The following KATNBL1 variants were observed in gnomAD, a reference collection of about 807,000 sequenced individuals.
KATNBL1 encodes the protein katanin regulatory subunit B1 like 1, also known as KATNB1-like protein 1.
KATNBL1 carries 28 observed loss-of-function variants against 44.7 expected under a neutral mutation model. The ratio of observed to expected loss-of-function variants is 0.63; its 90% CI spans 0.46 to 0.86. KATNBL1 has a LOEUF of 0.86. Ranked by LOEUF, KATNBL1 falls within the 40% of genes least tolerant of loss-of-function variation. The pLI, the probability that KATNBL1 is intolerant of heterozygous loss-of-function variation, is 0.00. For missense variants in KATNBL1, 272 were observed against 350.7 expected, an observed-to-expected ratio of 0.78 and a Z score of 1.79; for synonymous variants, 78 against 114.9, an observed-to-expected ratio of 0.68 and a Z score of 2.06.
At chr15:34,197,218 T>C (rs1051991667) in intron 1 of KATNBL1, among the ~76,000 whole-genome samples, 1 of 152,204 alleles carries the variant, frequency 6.6e-6, no homozygotes, top group Non-Finnish European at 1.5e-5. Context: ...TTTTGAAAAA[T>C]TTAATGTGAA....
chr15:34,193,007 G>A (rs1380622220), intron 1 of KATNBL1, among the ~76,000 whole-genome samples: 2 of 148,858 alleles, frequency 1.3e-5, no homozygotes, highest in Non-Finnish European at 3.0e-5. Flanking sequence ...CATGAGGTCA[G>A]GAGATCGAGA....
chr15:34,178,340 TA>T (rs1889398848), intron 1 of KATNBL1, among the ~76,000 whole-genome samples: 1 of 152,288 alleles, frequency 6.6e-6, no homozygotes, highest in South Asian at 2.1e-4. Flanking sequence ...CTAACATGGG[TA>T]ACCTTTTCCT....
intron 1 of KATNBL1, among the ~76,000 whole-genome samples, chr15:34,187,249 G>A (rs1889743760): frequency 6.6e-6 from 1 of 152,148 alleles, no homozygotes; most frequent in Admixed American, 6.5e-5. Flanking sequence ...TGACTTAACT[G>A]CAGAGAGGAG....
Position 34,146,741 on chromosome 15 carries a change from A to G in KATNBL1, c.788+20T>C, listed in dbSNP as rs542333666. On this transcript the variant is annotated intron_variant, in intron 8 of 9. Transcript: ENST00000256544. ...CTGAAGAAAATTTCAGCATGAGTTT[A>G]TCTTTAAAGGTATACTCACCCATCA... The G allele has an allele frequency of 2.3e-5, 32 of 1,418,718 alleles. 1 individual carries two copies. The Admixed American group carries it at 4.6e-4, about 20-fold the overall frequency. 87.9% of individuals were successfully genotyped at this position (1,418,718 alleles called of 1,614,324 possible). A position where few individuals can be genotyped will look rare whatever the true frequency, so the allele number is the denominator to read the frequency against.
intron 1 of KATNBL1, among the ~76,000 whole-genome samples, chr15:34,172,854 A>G (rs1271660804): frequency 6.6e-6 from 1 of 152,150 alleles, no homozygotes; most frequent in African/African-American, 2.4e-5. Context: ...CTGTATGTCA[A>G]CTAAGGTGGT....
intron 2 of KATNBL1, 132 bp from the exon 3 acceptor site, chr15:34,154,816 G>A: frequency 1.5e-6 from 1 of 661,100 alleles, no homozygotes; most frequent in Non-Finnish European, 2.7e-6. Flanking sequence ...CGTGCCTGGA[G>A]TGGTCGCAAG....
At position 34,152,994 on chromosome 15, in the gene KATNBL1, G is replaced by A. The variant is rs112492109; in HGVS notation, c.234C>T (p.Pro78=). 1.9e-6 allele frequency: 3 copies of A among 1,613,716 alleles called. No individual in the cohort carries two copies. The African/African-American group carries it at 4.0e-5, about 22-fold the overall frequency. ...VIYRRKKVHH[P]FPNPCYRKKQ... ...TTTTTCTGTAACAAGGATTTGGAAA[G>A]GGATGATGAACTTTCTTTCTGCGAT... is the stretch of plus-strand genomic sequence containing the variant. The change falls in exon 4 of 10, where the codon CCC becomes CCT. Residue 78 remains proline, a synonymous_variant. Transcript: ENST00000256544.
chr15:34,144,423 T>C (rs1378408059), intron 9 of KATNBL1, among the ~76,000 whole-genome samples: 2 of 150,546 alleles, frequency 1.3e-5, no homozygotes, highest in African/African-American at 4.9e-5. Flanking sequence ...TTTAGAAATA[T>C]ATATATATAT....
At chr15:34,205,121 G>A (rs1425406891) in intron 1 of KATNBL1, among the ~76,000 whole-genome samples, 2 of 151,982 alleles carry the variant, frequency 1.3e-5, no homozygotes, top group African/African-American at 4.8e-5. Flanking sequence ...AGCCTCCTGA[G>A]TAGCTGGGGC....
intron 7 of KATNBL1, 155 bp downstream of exon 7, chr15:34,147,045 T>C (rs1888330437): frequency 1.6e-6 from 1 of 642,672 alleles, no homozygotes; most frequent in Non-Finnish European, 2.8e-6. Flanking sequence ...AATTGTCCTT[T>C]AGTCATTTCA....
intron 1 of KATNBL1, among the ~76,000 whole-genome samples, chr15:34,166,599 G>A (rs1007735761): frequency 2.6e-5 from 4 of 152,262 alleles, no homozygotes; most frequent in African/African-American, 4.8e-5. Flanking sequence ...CTCCCAACAC[G>A]ACGTTTGAGC....
At chr15:34,205,182 C>A (rs887628821) in intron 1 of KATNBL1, among the ~76,000 whole-genome samples, 1 of 151,942 alleles carries the variant, frequency 6.6e-6, no homozygotes, top group Non-Finnish European at 1.5e-5. Flanking sequence ...TTAGTAAAGA[C>A]GGGGTTTCAC....
In KATNBL1 at chr15:34,181,869, C is replaced by A. The variant is rs866708362; in HGVS notation, c.-14-18179G>T. 5.2e-4 allele frequency among the ~76,000 whole-genome samples: 43 copies of A among 82,368 alleles called. 3 individuals carry two copies. The highest frequency in any genetic ancestry group is 2.1e-3 in the South Asian group (5 of 2,372). The allele number at this position is 82,368 out of a possible 152,430, so 54.0% of individuals were successfully genotyped here. On this transcript the variant is annotated intron_variant, in intron 1 of 9. Transcript: ENST00000256544. ...ATATATATAGTCCATATATATATAT[C>A]CATATATATATATATATATGGATGG...
At chr15:34,208,941 AC>A (rs2140571168) in intron 1 of KATNBL1, 1 of 152,394 alleles carries the variant, frequency 6.6e-6, no homozygotes, top group African/African-American at 2.4e-5. Flanking sequence ...TACAAAAGTT[AC>A]AATACTAAAA....
chr15:34,163,255 G>T (rs571897471), intron 2 of KATNBL1, among the ~76,000 whole-genome samples: 4 of 151,768 alleles, frequency 2.6e-5, no homozygotes, highest in African/African-American at 7.3e-5. Context: ...TGTTGGCCAG[G>T]CTAGTCTTGA....
At chr15:34,193,654 C>G (rs1227578318) in intron 1 of KATNBL1, among the ~76,000 whole-genome samples, 1 of 151,888 alleles carries the variant, frequency 6.6e-6, no homozygotes, top group East Asian at 1.9e-4. Context: ...GAGTTTGAGA[C>G]CTGCCTGGGC....
At chr15:34,206,538 T>A (rs1000355751) in intron 1 of KATNBL1, among the ~76,000 whole-genome samples, 1 of 152,190 alleles carries the variant, frequency 6.6e-6, no homozygotes, top group African/African-American at 2.4e-5. Flanking sequence ...ACGCCTGTAA[T>A]CCCAGCACTT....
intron 1 of KATNBL1, among the ~76,000 whole-genome samples, chr15:34,175,480 T>C (rs987449516): frequency 2.0e-5 from 3 of 152,226 alleles, no homozygotes; most frequent in African/African-American, 7.2e-5. Flanking sequence ...ACAACGTACA[T>C]AGTCTGCACC....
intron 1 of KATNBL1, among the ~76,000 whole-genome samples, chr15:34,178,528 A>C (rs574426436): frequency 1.3e-4 from 20 of 152,164 alleles, no homozygotes; most frequent in Middle Eastern, 3.4e-3. Flanking sequence ...GAGGCCAAGG[A>C]GGGCAGATCA....
Sources: gnomAD v4.1 joint callset for allele counts (sites outside exome capture counted in the v4.1 genomes callset) on GRCh38, gnomAD v4.1.1 for gene constraint, MANE v1.5 for transcripts, NCBI Gene and HGNC (gene_info 2026-07-23, HGNC 2026-07-21) for gene names.